Variants in SDK1 observed in about 807,000 individuals in gnomAD.
SDK1 encodes the protein sidekick cell adhesion molecule 1, also known as protein sidekick-1.
In SDK1, 157 loss-of-function variants were observed where a neutral mutation model predicts 245.5. The ratio of observed to expected loss-of-function variants is 0.64; its 90% CI spans 0.56 to 0.73. SDK1 has a LOEUF of 0.73. SDK1 is among the 30% of genes least tolerant of loss of function. SDK1 has a pLI of 0.00. For synonymous variants in SDK1, 1,647 were observed against 1,278.5 expected (o/e 1.29, Z -6.15); for missense variants, 3,583 against 3,002.3 (o/e 1.19, Z -4.52).
chr7:3,956,971 C>T (rs760942835), intron 7 of SDK1, among the ~76,000 whole-genome samples: 1 of 152,146 alleles, frequency 6.6e-6, no homozygotes, highest in Admixed American at 6.6e-5. Flanking sequence ...GGGAAGGCAC[C>T]CTGGGCCCGT....
Position 4,076,981 on chromosome 7 carries a change from G to T in SDK1, c.3011-17G>T. The T allele has an allele frequency of 1.9e-6, 3 of 1,612,094 alleles. No individual in the cohort carries two copies. The highest frequency in any genetic ancestry group is 2.5e-6 in the Non-Finnish European group (3 of 1,179,290). The stretch of plus-strand genomic sequence containing the variant: ...CCTTCAGGAGACCAACACTGGTCTG[G>T]TCCTGTTGCTTTCTAGGCTATCAGA... On this transcript the variant is annotated splice_polypyrimidine_tract_variant and intron_variant, in intron 20 of 44. Coordinates refer to ENST00000404826, the MANE Select transcript of SDK1 (RefSeq NM_152744.4).
chr7:3,972,849 G>A (rs1245502639), intron 12 of SDK1, among the ~76,000 whole-genome samples: 1 of 152,200 alleles, frequency 6.6e-6, no homozygotes, highest in African/African-American at 2.4e-5. Context: ...TTTGGTTTAG[G>A]TACGTGGGTG....
At chr7:3,658,307 C>T (rs571538827) in intron 4 of SDK1, among the ~76,000 whole-genome samples, 2 of 152,270 alleles carry the variant, frequency 1.3e-5, no homozygotes, top group Non-Finnish European at 2.9e-5. Flanking sequence ...CATTTGCTTC[C>T]AAGTGACAGC....
chr7:3,657,518 G>T (rs1221909133), intron 4 of SDK1, among the ~76,000 whole-genome samples: 1 of 152,204 alleles, frequency 6.6e-6, no homozygotes, highest in African/African-American at 2.4e-5. Context: ...TTTAAAGCAG[G>T]AAGAGGGACT....
chr7:3,986,909 C>G (rs1421447179), intron 13 of SDK1, among the ~76,000 whole-genome samples: 1 of 152,152 alleles, frequency 6.6e-6, no homozygotes, highest in African/African-American at 2.4e-5. Context: ...CGTCCCCTCC[C>G]CCTATTTATG....
At chr7:3,588,125 A>T (rs1780749955) in intron 1 of SDK1, among the ~76,000 whole-genome samples, 1 of 152,192 alleles carries the variant, frequency 6.6e-6, no homozygotes, top group Non-Finnish European at 1.5e-5. Flanking sequence ...CTCGTTTTAC[A>T]GGTAAGGGAG....
chr7:3,721,581 G>A (rs768406095), intron 4 of SDK1, among the ~76,000 whole-genome samples: 12 of 152,180 alleles, frequency 7.9e-5, no homozygotes, highest in Admixed American at 3.9e-4. Context: ...CCCTTCTGAC[G>A]CAAATGACCC....
intron 1 of SDK1, among the ~76,000 whole-genome samples, chr7:3,537,453 T>A (rs1312452328): frequency 6.6e-6 from 1 of 152,182 alleles, no homozygotes; most frequent in Non-Finnish European, 1.5e-5. Flanking sequence ...GAAATCCGCT[T>A]GCTGGGGAGG....
chr7:3,363,560 C>G (rs1199792782), intron 1 of SDK1, among the ~76,000 whole-genome samples: 1 of 151,990 alleles, frequency 6.6e-6, no homozygotes, highest in East Asian at 1.9e-4. Context: ...CACCAGGGAC[C>G]GGTTTCTTCA....
At chr7:3,555,447 A>C (rs1779558695) in intron 1 of SDK1, among the ~76,000 whole-genome samples, 1 of 152,204 alleles carries the variant, frequency 6.6e-6, no homozygotes, top group African/African-American at 2.4e-5. Context: ...TAAAAACTTT[A>C]AGATGTGAAG....
At chr7:3,349,752 A>G (rs919772303) in intron 1 of SDK1, among the ~76,000 whole-genome samples, 67 of 144,222 alleles carry the variant, frequency 4.6e-4, no homozygotes, top group Non-Finnish European at 9.0e-4. Flanking sequence ...GGCACCTGCC[A>G]CCACGCCTGG....
At chr7:3,397,167 T>C (rs1301996765) in intron 1 of SDK1, among the ~76,000 whole-genome samples, 1 of 151,950 alleles carries the variant, frequency 6.6e-6, no homozygotes, top group Non-Finnish European at 1.5e-5. Flanking sequence ...TTATATGTTA[T>C]AAGCCTATCA....
rs544222796 is a variant in SDK1 at position 4,078,124 on chromosome 7, G to C, written c.3202+935G>C. ...GTGTTAGAGGGGAAACTGAGGCCTG[G>C]CTGCTTTGGCCAAACCCCTGATAAC... On this transcript the variant is annotated intron_variant, in intron 21 of 44. Coordinates refer to ENST00000404826, the MANE Select transcript of SDK1 (RefSeq NM_152744.4). 5.9e-5 allele frequency among the ~76,000 whole-genome samples: 9 copies of C among 152,260 alleles called. No individual in the cohort carries two copies. In the South Asian group the frequency reaches 6.2e-4, roughly 11 times the overall value.
chr7:4,032,338 T>C (rs1240283890), intron 17 of SDK1, among the ~76,000 whole-genome samples: 1 of 152,240 alleles, frequency 6.6e-6, no homozygotes, highest in Non-Finnish European at 1.5e-5. Flanking sequence ...TATTGACATT[T>C]ATTTGATACG....
In SDK1 at chr7:4,206,006, C is replaced by G. The variant is rs747269727; in HGVS notation, c.5214+12C>G. On this transcript the variant is annotated intron_variant, in intron 36 of 44. Coordinates refer to ENST00000404826, the MANE Select transcript of SDK1 (RefSeq NM_152744.4). ...TCCAAGGCTACAAGGCAAGGCCCTC[C>G]CGTGCGGTTGCCTCCCCTGGCTCGC... 4 of 1,505,982 alleles carry G rather than the reference C, an allele frequency of 2.7e-6. No individual in the cohort carries two copies. In the South Asian group the frequency reaches 3.8e-5, roughly 14 times the overall value. 93.3% of individuals were successfully genotyped at this position (1,505,982 alleles called of 1,614,324 possible).
At chr7:4,113,697 G>T (rs551662127) in intron 24 of SDK1, among the ~76,000 whole-genome samples, 1 of 152,348 alleles carries the variant, frequency 6.6e-6, no homozygotes, top group East Asian at 1.9e-4. Context: ...AGCTGGGGGT[G>T]CCTCACACCA....
intron 1 of SDK1, among the ~76,000 whole-genome samples, chr7:3,528,988 G>T (rs368069390): frequency 2.8e-4 from 43 of 152,162 alleles, no homozygotes; most frequent in Middle Eastern, 3.4e-3. Flanking sequence ...GAGCCAGGGA[G>T]GTAGCTAGCA....
intron 1 of SDK1, among the ~76,000 whole-genome samples, chr7:3,530,238 C>T (rs895184938): frequency 9.9e-5 from 15 of 152,122 alleles, no homozygotes; most frequent in African/African-American, 3.1e-4. Context: ...GCCTTAGAAA[C>T]GACCCATTTC....
At chr7:3,380,260 G>C (rs1446495871) in intron 1 of SDK1, among the ~76,000 whole-genome samples, 4 of 152,180 alleles carry the variant, frequency 2.6e-5, no homozygotes, top group African/African-American at 9.7e-5. Context: ...TACTGGAAAT[G>C]GCCTGTGATT....
Sources: gnomAD v4.1 joint callset for allele counts (sites outside exome capture counted in the v4.1 genomes callset) on GRCh38, gnomAD v4.1.1 for gene constraint, MANE v1.5 for transcripts, NCBI Gene and HGNC (gene_info 2026-07-23, HGNC 2026-07-21) for gene names.